The following HUNK variants were observed in gnomAD, a reference collection of about 807,000 sequenced individuals.
HUNK encodes hormonally up-regulated neu tumor-associated kinase.
In HUNK, 21 loss-of-function variants were observed where a neutral mutation model predicts 61.0. That is an observed-to-expected ratio of 0.34 (90% CI 0.24 to 0.50). The LOEUF (loss-of-function observed/expected upper bound fraction) is 0.50, where lower values mean the gene tolerates loss of function less well. Ranked by LOEUF, HUNK falls within the 20% of genes least tolerant of loss-of-function variation. The pLI is 0.98. For synonymous variants in HUNK, 371 were observed against 386.1 expected (o/e 0.96, Z 0.46); for missense variants, 772 against 945.7 (o/e 0.82, Z 2.41).
intron 9 of HUNK, among the ~76,000 whole-genome samples, chr21:31,993,156 C>T (rs1015738890): frequency 6.6e-6 from 1 of 152,136 alleles, no homozygotes; most frequent in Admixed American, 6.5e-5. Context: ...TGCCAAATAG[C>T]CCCCTTGTCA....
chr21:31,963,354 C>T (rs2052941636), intron 5 of HUNK, among the ~76,000 whole-genome samples: 1 of 152,244 alleles, frequency 6.6e-6, no homozygotes, highest in East Asian at 1.9e-4. Context: ...AAGACGCACC[C>T]CCCCTACAAA....
intron 7 of HUNK, among the ~76,000 whole-genome samples, chr21:31,976,859 T>C (rs1441288730): frequency 1.3e-5 from 2 of 151,178 alleles, no homozygotes; most frequent in African/African-American, 2.4e-5. Context: ...CAACATCTGC[T>C]TCCTGGGTTC....
At chr21:31,878,725 TA>T (rs1325310905) in intron 1 of HUNK, among the ~76,000 whole-genome samples, 1 of 152,148 alleles carries the variant, frequency 6.6e-6, no homozygotes, top group Non-Finnish European at 1.5e-5. Context: ...TTGTGTTTTG[TA>T]AAAAATTGAT....
At chr21:31,890,577 A>G (rs1274903860) in intron 1 of HUNK, among the ~76,000 whole-genome samples, 2 of 152,142 alleles carry the variant, frequency 1.3e-5, no homozygotes, top group Admixed American at 1.3e-4. Flanking sequence ...ATAGCATTCC[A>G]TTATTTGGAG....
rs79637196 is a variant in HUNK, at chr21:31,882,224, G to A, written c.261+8289G>A. 7.8e-3 allele frequency among the ~76,000 whole-genome samples: 1,183 copies of A among 152,232 alleles called. 17 individuals carry two copies. Among genetic ancestry groups the A allele is most frequent in the East Asian group, 0.039 (201 of 5,182 alleles). On this transcript the variant is annotated intron_variant, in intron 1 of 10. Transcript: ENST00000270112. ...GTTAACATCCTCTTAGCACTCTTAC[G>A]GTGGCCACTGTGCCCTAGCTATGCA...
At position 31,999,505 on chromosome 21, in the gene HUNK, A is replaced by T. The variant is rs1447679836; in HGVS notation, c.*321A>T. 1 of 326,994 alleles carries T rather than the reference A, an allele frequency of 3.1e-6. No individual in the cohort carries two copies. Among genetic ancestry groups the T allele is most frequent in the Admixed American group, 4.5e-5 (1 of 22,168 alleles). The allele number at this position is 326,994 out of a possible 1,614,324, so 20.3% of individuals were successfully genotyped here. A position where few individuals can be genotyped will look rare whatever the true frequency, so the allele number is the denominator to read the frequency against. On this transcript the variant is annotated 3_prime_UTR_variant, in exon 11 of 11. Transcript: ENST00000270112. The stretch of plus-strand genomic sequence containing the variant: ...AAACAGGGCATGAGCCTTCTGGGGC[A>T]CTCAGATTATGGACTGTTACCAGAT...
intron 1 of HUNK, among the ~76,000 whole-genome samples, chr21:31,890,424 T>C (rs2052379039): frequency 6.6e-6 from 1 of 152,186 alleles, no homozygotes; most frequent in Non-Finnish European, 1.5e-5. Flanking sequence ...AGACGGGATT[T>C]CACCATGTTG....
intron 6 of HUNK, among the ~76,000 whole-genome samples, chr21:31,973,968 G>C (rs1308425848): frequency 6.6e-6 from 1 of 152,112 alleles, no homozygotes; most frequent in Non-Finnish European, 1.5e-5. Context: ...CTTTGCCGCT[G>C]AGCCCTGAAC....
chr21:31,884,106 G>A (rs2123789019), intron 1 of HUNK, among the ~76,000 whole-genome samples: 1 of 152,296 alleles, frequency 6.6e-6, no homozygotes, highest in South Asian at 2.1e-4. Context: ...CATGGGAAAG[G>A]TGGTACCATT....
At chr21:31,986,542 C>T (rs2053134575) in intron 8 of HUNK, among the ~76,000 whole-genome samples, 2 of 152,038 alleles carry the variant, frequency 1.3e-5, no homozygotes, top group East Asian at 1.9e-4. Flanking sequence ...TGCTTGAGAC[C>T]TTCGGAGGTT....
chr21:31,877,427 A>G (rs1208583466), intron 1 of HUNK, among the ~76,000 whole-genome samples: 1 of 152,178 alleles, frequency 6.6e-6, no homozygotes, highest in African/African-American at 2.4e-5. Flanking sequence ...CTGTAGGACA[A>G]TCTTTTGCCT....
chr21:31,992,930 G>A (rs1014033839), intron 9 of HUNK, among the ~76,000 whole-genome samples: 5 of 152,164 alleles, frequency 3.3e-5, no homozygotes, highest in African/African-American at 1.2e-4. Context: ...AGCAGGTGGG[G>A]TGAATTTCTT....
intron 1 of HUNK, among the ~76,000 whole-genome samples, chr21:31,874,263 A>C (rs2052241475): frequency 7.3e-6 from 1 of 136,962 alleles, no homozygotes; most frequent in South Asian, 2.4e-4. Flanking sequence ...TCTGCCCTTC[A>C]GGCCGGCAGG....
At position 31,920,388 on chromosome 21, in the gene HUNK, A is replaced by G. The variant is rs569920652; in HGVS notation, c.262-4080A>G. ...AAGAACTCAATAAGGTATCTTAACT[A>G]TAATTGTGTACTCTGTTAAAAAGGC... On this transcript the variant is annotated intron_variant, in intron 1 of 10. Coordinates refer to ENST00000270112, the MANE Select transcript of HUNK (RefSeq NM_014586.2). Among the ~76,000 whole-genome samples, 5 of 152,334 alleles carry G rather than the reference A, an allele frequency of 3.3e-5. 1 individual carries two copies. In the South Asian group the frequency reaches 6.2e-4, roughly 19 times the overall value.
At chr21:31,897,808 G>A (rs28583246) in intron 1 of HUNK, among the ~76,000 whole-genome samples, 3,894 of 152,258 alleles carry the variant, frequency 0.026, 161 homozygotes, top group African/African-American at 0.088. Flanking sequence ...GACTGCCCTG[G>A]GCATTGATGT....
rs144477990 is a variant in HUNK at position 31,893,120 on chromosome 21, C to T, written c.261+19185C>T. Among the ~76,000 whole-genome samples the T allele has an allele frequency of 3.1e-3, 475 of 152,098 alleles. 5 individuals carry two copies. The highest frequency in any genetic ancestry group is 0.011 in the African/African-American group (460 of 41,482). Reference sequence around the variant, plus strand: ...GGAGGAAAACCACATTTAAGGACATCGTATGCATGGGAGTCCCACAGAATA... The same window carrying T: ...GGAGGAAAACCACATTTAAGGACATTGTATGCATGGGAGTCCCACAGAATA... On this transcript the variant is annotated intron_variant, in intron 1 of 10. Coordinates refer to ENST00000270112, the MANE Select transcript of HUNK (RefSeq NM_014586.2).
At chr21:31,953,375 T>G (rs745533356) in intron 4 of HUNK, among the ~76,000 whole-genome samples, 3 of 151,872 alleles carry the variant, frequency 2.0e-5, no homozygotes, top group African/African-American at 7.3e-5. Context: ...GCTGGGAATA[T>G]AGGCATGCAC....
intron 2 of HUNK, among the ~76,000 whole-genome samples, chr21:31,926,011 C>A (rs1479141796): frequency 6.6e-6 from 1 of 151,996 alleles, no homozygotes; most frequent in Non-Finnish European, 1.5e-5. Flanking sequence ...AACCACTTCC[C>A]AGGTTCAAGC....
At chr21:31,996,841 G>A (rs557785634) in intron 10 of HUNK, among the ~76,000 whole-genome samples, 14 of 152,290 alleles carry the variant, frequency 9.2e-5, no homozygotes, top group East Asian at 3.9e-4. Context: ...TGCTGCTCCC[G>A]GAGAGAAGCC....
Sources: allele counts gnomAD v4.1 joint callset (sites outside exome capture counted in the v4.1 genomes callset), GRCh38; gene constraint gnomAD v4.1.1; transcripts MANE v1.5; gene names NCBI Gene and HGNC (gene_info 2026-07-23, HGNC 2026-07-21).